The following ASPH variants were observed in gnomAD, a reference collection of about 807,000 sequenced individuals.
The protein encoded by ASPH is aspartyl/asparaginyl beta-hydroxylase.
A neutral mutation model predicts 118.4 loss-of-function variants in ASPH; 100 were observed. The observed-to-expected ratio is 0.84, with a 90% CI of 0.72 to 1.00. The LOEUF (loss-of-function observed/expected upper bound fraction) is 1.00, where lower values mean the gene tolerates loss of function less well. Among genes scored for constraint, ASPH ranks in the 50% least tolerant of loss-of-function variants. The probability of loss-of-function intolerance (pLI) is 0.00; values close to 1 mark genes in which losing one functional copy is unlikely to be tolerated. For synonymous variants in ASPH, 315 were observed against 325.6 expected, an observed-to-expected ratio of 0.97 and a Z score of 0.35; for missense variants, 920 against 919.5, an observed-to-expected ratio of 1.00 and a Z score of -0.01.
chr8:61,626,383 A>ATTT, intron 13 of ASPH: 2 of 1,006,562 alleles, frequency 2.0e-6, no homozygotes, highest in Non-Finnish European at 2.6e-6. Flanking sequence ...CAACAAAGTA[A>ATTT]TTTTTTTTTT....
chr8:61,527,045 T>C (rs1815630574), intron 21 of ASPH, among the ~76,000 whole-genome samples: 1 of 152,176 alleles, frequency 6.6e-6, no homozygotes, highest in Non-Finnish European at 1.5e-5. Context: ...GATGAAATAG[T>C]TGAGTATATA....
chr8:61,511,472 A>G (rs1045604905), intron 24 of ASPH, among the ~76,000 whole-genome samples: 1 of 152,182 alleles, frequency 6.6e-6, no homozygotes, highest in Non-Finnish European at 1.5e-5. Context: ...CAGAAGAATG[A>G]ATTTCTCTCT....
At position 61,643,389 on chromosome 8, in the gene ASPH, TATCA is replaced by T. The variant is rs1806219729; in HGVS notation, c.750_753del (p.His250GlnfsTer5). 6.2e-7 allele frequency: 1 copy of T among 1,605,838 alleles called. No homozygotes were observed. Among genetic ancestry groups the T allele is most frequent in the Admixed American group, 1.7e-5 (1 of 59,868 alleles). On this transcript the variant is annotated frameshift_variant, in exon 9 of 25. Transcript: ENST00000379454. LOFTEE classifies it high-confidence loss of function. ...AATGAAAATGCTCATCTAATACCTG[TATCA>T]TGGTGCAATCTTTCATCTTCTACTA...
intron 21 of ASPH, among the ~76,000 whole-genome samples, chr8:61,547,383 A>C (rs77561230): frequency 0.088 from 13,475 of 152,328 alleles, 680 homozygotes; most frequent in Non-Finnish European, 0.12. Flanking sequence ...TGGTTCTCAA[A>C]GTGTGTTTCA....
chr8:61,634,447 C>T (rs757083201), intron 12 of ASPH, among the ~76,000 whole-genome samples: 1 of 152,122 alleles, frequency 6.6e-6, no homozygotes, highest in Non-Finnish European at 1.5e-5. Flanking sequence ...TTTTCTAAAA[C>T]AGAAAACACT....
intron 21 of ASPH, among the ~76,000 whole-genome samples, chr8:61,547,392 C>G (rs934007256): frequency 1.3e-5 from 2 of 152,212 alleles, no homozygotes; most frequent in African/African-American, 2.4e-5. Flanking sequence ...AAGTGTGTTT[C>G]AAGGACATCT....
At chr8:61,708,478 T>C (rs182365454) in intron 1 of ASPH, among the ~76,000 whole-genome samples, 6 of 152,264 alleles carry the variant, frequency 3.9e-5, no homozygotes, top group Admixed American at 2.0e-4. Flanking sequence ...GTCTTTCCAG[T>C]ATACCAAGAA....
intron 14 of ASPH, among the ~76,000 whole-genome samples, chr8:61,616,670 G>C (rs1283652626): frequency 6.6e-6 from 1 of 152,112 alleles, no homozygotes; most frequent in African/African-American, 2.4e-5. Flanking sequence ...AGCTTCTTGG[G>C]CCCTTCTCTC....
At chr8:61,665,380 T>G (rs1256600681) in intron 3 of ASPH, 1 of 1,613,706 alleles carries the variant, frequency 6.2e-7, no homozygotes, top group Non-Finnish European at 8.5e-7. Context: ...TTGTTGATTT[T>G]TTCCTATTTT....
intron 1 of ASPH, 94 bp downstream of exon 1, chr8:61,714,175 G>A: frequency 7.8e-7 from 1 of 1,277,102 alleles, no homozygotes; most frequent in Non-Finnish European, 9.9e-7. Flanking sequence ...GCGCGCGGTG[G>A]GACCTGGGGA....
intron 22 of ASPH, among the ~76,000 whole-genome samples, chr8:61,519,693 TA>T (rs1812259977): frequency 6.6e-6 from 1 of 151,836 alleles, no homozygotes; most frequent in Admixed American, 6.6e-5. Context: ...GGCAGATGAG[TA>T]AGTGTCAGAG....
chr8:61,513,216 C>G (rs1809562228), intron 24 of ASPH, among the ~76,000 whole-genome samples: 1 of 152,202 alleles, frequency 6.6e-6, no homozygotes, highest in Non-Finnish European at 1.5e-5. Context: ...AAACTGATTT[C>G]TTGGCATGTG....
rs568612778 is a variant in ASPH, at chr8:61,684,381, T to G, written c.104-193A>C. On this transcript the variant is annotated intron_variant, in intron 1 of 24. Transcript: ENST00000379454. ...AGAAAAGATTGTTTAGATGCAACACTAACTTTGAAGTAGTGCAGGAAATAA... is the reference window on the plus strand; with the variant it reads ...AGAAAAGATTGTTTAGATGCAACACGAACTTTGAAGTAGTGCAGGAAATAA... The G allele has an allele frequency of 1.2e-3, 719 of 603,924 alleles. 17 individuals are homozygous for G. In the South Asian group the frequency reaches 0.018, roughly 15 times the overall value. The allele number at this position is 603,924 out of a possible 1,614,324, so 37.4% of individuals were successfully genotyped here. A position where few individuals can be genotyped will look rare whatever the true frequency, so the allele number is the denominator to read the frequency against.
chr8:61,663,929 A>AT, intron 3 of ASPH: 1 of 891,086 alleles, frequency 1.1e-6, no homozygotes, highest in Non-Finnish European at 1.3e-6. Context: ...CTGAGTTGAA[A>AT]TATCTTTAAT....
intron 3 of ASPH, chr8:61,680,730 A>T (rs1030441426): frequency 6.8e-6 from 2 of 292,814 alleles, no homozygotes; most frequent in African/African-American, 4.4e-5. Context: ...TGAAATTATT[A>T]TACTTATCAA....
intron 16 of ASPH, among the ~76,000 whole-genome samples, chr8:61,575,503 T>C (rs1239480992): frequency 6.6e-6 from 1 of 152,144 alleles, no homozygotes; most frequent in Non-Finnish European, 1.5e-5. Flanking sequence ...CCCTTTACAA[T>C]GGAAACTCTG....
chr8:61,586,664 C>G (rs181167652), intron 14 of ASPH, among the ~76,000 whole-genome samples: 28 of 152,254 alleles, frequency 1.8e-4, no homozygotes, highest in Admixed American at 1.4e-3. Context: ...CACTGAGGTT[C>G]CAAAAGGGTT....
At position 61,651,582 on chromosome 8, in the gene ASPH, G is replaced by A. The variant is rs182854762; in HGVS notation, c.416-458C>T. On this transcript the variant is annotated intron_variant, in intron 4 of 24. Transcript: ENST00000379454. ...AACCATTACCTATCTTCCCTGAGAGGAGAAAGGGCACTCCTGCAGGTGAGA... is the reference window on the plus strand; with the variant it reads ...AACCATTACCTATCTTCCCTGAGAGAAGAAAGGGCACTCCTGCAGGTGAGA... Among the ~76,000 whole-genome samples, 4 of 152,318 alleles carry A rather than the reference G, an allele frequency of 2.6e-5. No individual in the cohort carries two copies. The East Asian group carries it at 7.7e-4, about 29-fold the overall frequency.
intron 16 of ASPH, among the ~76,000 whole-genome samples, chr8:61,570,457 T>C (rs1488676774): frequency 6.6e-6 from 1 of 152,162 alleles, no homozygotes; most frequent in African/African-American, 2.4e-5. Flanking sequence ...ACCAAGATAA[T>C]CCTTCTTTAT....
Sources: allele counts gnomAD v4.1 joint callset (sites outside exome capture counted in the v4.1 genomes callset), GRCh38; gene constraint gnomAD v4.1.1; transcripts MANE v1.5; gene names NCBI Gene and HGNC (gene_info 2026-07-23, HGNC 2026-07-21).